Variants in COL8A2 observed in about 807,000 individuals in gnomAD.
COL8A2 encodes collagen alpha-2(VIII) chain.
A neutral mutation model predicts 24.0 loss-of-function variants in COL8A2; 16 were observed. The ratio of observed to expected loss-of-function variants is 0.67; its 90% confidence interval spans 0.45 to 1.01. COL8A2 has a LOEUF of 1.01. Among genes scored for constraint, COL8A2 ranks in the 50% least tolerant of loss-of-function variants. The pLI, the probability that COL8A2 is intolerant of heterozygous loss-of-function variation, is 0.00. For synonymous variants in COL8A2, 466 were observed against 424.5 expected (o/e 1.10, Z -1.20); for missense variants, 818 against 942.4 (o/e 0.87, Z 1.73).
At chr1:36,121,271 C>T (rs543019960) in intron 1 of COL8A2, among the ~76,000 whole-genome samples, 2 of 150,598 alleles carry the variant, frequency 1.3e-5, no homozygotes, top group South Asian at 2.1e-4. Flanking sequence ...CACCTGTAGT[C>T]CCAGCTACTC....
At chr1:36,117,574 G>A (rs1643885965) in intron 1 of COL8A2, among the ~76,000 whole-genome samples, 2 of 152,220 alleles carry the variant, frequency 1.3e-5, no homozygotes, top group African/African-American at 4.8e-5. Context: ...TGTACCCACT[G>A]TGTGCCAGGT....
Position 36,099,399 on chromosome 1 carries a change from AG to A in COL8A2, c.281del (p.Pro94LeufsTer143), listed in dbSNP as rs1277273445. 4 of 1,552,784 alleles carry A rather than the reference AG, an allele frequency of 2.6e-6. No homozygotes were observed. Among genetic ancestry groups the A allele is most frequent in the African/African-American group, 1.4e-5 (1 of 73,216 alleles). ...CCATGCCTGGTTTTCCTGGGAAGCCAGGGGGGCCAGGGGGACCCCGAGGCCC... is the reference window on the plus strand; with the variant it reads ...CCATGCCTGGTTTTCCTGGGAAGCCAGGGGGCCAGGGGGACCCCGAGGCCC... The part of the protein sequence containing the change: ...KPGPRGPPGP[P>X]GFPGKPGMGK... On this transcript the variant is annotated frameshift_variant, in exon 4 of 4. Coordinates refer to ENST00000397799, the MANE Select transcript of COL8A2 (RefSeq NM_005202.4). LOFTEE classifies it low-confidence loss of function (END_TRUNC).
chr1:36,102,038 G>T (rs188733460), intron 2 of COL8A2, among the ~76,000 whole-genome samples: 2 of 152,156 alleles, frequency 1.3e-5, no homozygotes, highest in Admixed American at 6.5e-5. Flanking sequence ...CAAAAAATTA[G>T]CTGGGTGTGG....
chr1:36,109,311 T>C (rs274764), intron 2 of COL8A2, among the ~76,000 whole-genome samples: 136,711 of 152,210 alleles, frequency 0.9, 61,538 homozygotes, highest in East Asian at 1. Flanking sequence ...GGGTCTCTAC[T>C]CCTGACTCCT....
chr1:36,103,144 A>G (rs940215239), intron 2 of COL8A2, among the ~76,000 whole-genome samples: 1 of 151,732 alleles, frequency 6.6e-6, no homozygotes, highest in Non-Finnish European at 1.5e-5. Context: ...CACCATGCCT[A>G]TGTAAAGACA....
chr1:36,097,885 T>G lies in COL8A2; in HGVS notation c.1796A>C (p.Tyr599Ser). The G allele has an allele frequency of 1.2e-6, 2 of 1,612,586 alleles. No individual in the cohort carries two copies. Among genetic ancestry groups the G allele is most frequent in the Non-Finnish European group, 1.7e-6 (2 of 1,179,982 alleles). The change falls in exon 4 of 4, where the codon TAC becomes TCC. Residue 599 changes from tyrosine to serine, a missense_variant. Coordinates refer to ENST00000397799, the MANE Select transcript of COL8A2 (RefSeq NM_005202.4). ...GMPVKFDRTLYNGHSGYNPAT... is the reference protein window; with the variant it reads ...GMPVKFDRTLSNGHSGYNPAT... ...TGGGTTGTAGCCGCTGTGGCCATTG[T>G]AGAGAGTCCGGTCAAATTTCACGGG...
Position 36,098,122 on chromosome 1 carries a change from G to A in COL8A2, c.1559C>T (p.Pro520Leu). The change falls in exon 4 of 4, where the codon CCT (proline) becomes CTT (leucine). Residue 520 changes from proline (P) to leucine (L), a missense_variant. By Grantham distance (98) the Pro-to-Leu change is moderately conservative. Transcript: ENST00000397799. ...TCCCGGGGGCCCGGGAGGCCCCGGA[G>A]GGCCCGTGATTCCAGGGGAGCCAGG... The part of the protein sequence containing the change: ...GVPGSPGITG[P>L]PGPPGPPGPP... 6.7e-7 allele frequency: 1 copy of A among 1,496,306 alleles called. No individual in the cohort carries two copies. Among genetic ancestry groups the A allele is most frequent in the African/African-American group, 1.4e-5 (1 of 71,324 alleles). 92.7% of individuals were successfully genotyped at this position (1,496,306 alleles called of 1,614,324 possible).
At chr1:36,109,139 G>A (rs975667489) in intron 2 of COL8A2, among the ~76,000 whole-genome samples, 3 of 152,248 alleles carry the variant, frequency 2.0e-5, no homozygotes, top group Non-Finnish European at 4.4e-5. Flanking sequence ...TGAGGGAGCG[G>A]TGGGGGCACT....
At chr1:36,099,900 C>G in intron 3 of COL8A2, 150 bp downstream of exon 3, 1 of 744,336 alleles carries the variant, frequency 1.3e-6, no homozygotes, top group Non-Finnish European at 2.3e-6. Context: ...TCCAGGCCCT[C>G]TGGGGTATTA....
At chr1:36,122,758 T>C (rs1402610821) in intron 1 of COL8A2, among the ~76,000 whole-genome samples, 2 of 152,140 alleles carry the variant, frequency 1.3e-5, no homozygotes, top group Admixed American at 6.5e-5. Context: ...CCTTCATCCT[T>C]GTTCCCCAGA....
chr1:36,101,844 A>C (rs1335616723), intron 2 of COL8A2, among the ~76,000 whole-genome samples: 1 of 151,044 alleles, frequency 6.6e-6, no homozygotes, highest in Non-Finnish European at 1.5e-5. Flanking sequence ...TGAGTTTAAA[A>C]CCAGCCTGGG....
chr1:36,119,241 C>T (rs950089142), intron 1 of COL8A2, among the ~76,000 whole-genome samples: 3 of 152,174 alleles, frequency 2.0e-5, no homozygotes, highest in South Asian at 2.1e-4. Flanking sequence ...TTTTGTGTAA[C>T]GGACTCAGAG....
At chr1:36,113,068 T>G (rs563462001) in intron 2 of COL8A2, among the ~76,000 whole-genome samples, 1 of 152,116 alleles carries the variant, frequency 6.6e-6, no homozygotes, top group Admixed American at 6.5e-5. Context: ...GAGAGATGGA[T>G]GTTGAGCCCA....
chr1:36,100,844 G>A (rs1244814733), intron 2 of COL8A2, among the ~76,000 whole-genome samples: 1 of 144,208 alleles, frequency 6.9e-6, no homozygotes, highest in Admixed American at 7.2e-5. Context: ...CCTGCCACTC[G>A]CCTTTGGGAT....
intron 2 of COL8A2, among the ~76,000 whole-genome samples, chr1:36,107,461 G>C (rs1643778115): frequency 6.6e-6 from 1 of 152,024 alleles, no homozygotes; most frequent in African/African-American, 2.4e-5. Flanking sequence ...CATGGAGGGA[G>C]AGTAAGGCAG....
At chr1:36,118,812 C>T (rs967553872) in intron 1 of COL8A2, among the ~76,000 whole-genome samples, 5 of 152,182 alleles carry the variant, frequency 3.3e-5, no homozygotes, top group Admixed American at 1.3e-4. Context: ...TTGGCTCCTG[C>T]CAGAGATGGG....
chr1:36,105,518 G>C (rs1180103342), intron 2 of COL8A2, among the ~76,000 whole-genome samples: 1 of 152,242 alleles, frequency 6.6e-6, no homozygotes, highest in Non-Finnish European at 1.5e-5. Flanking sequence ...CTGATTGATG[G>C]CAGAACCCAT....
chr1:36,105,810 T>A (rs912497), intron 2 of COL8A2, among the ~76,000 whole-genome samples: 134,742 of 151,882 alleles, frequency 0.89, 59,887 homozygotes, highest in Middle Eastern at 0.93. Context: ...TTAGCCAGAC[T>A]TGGTGGCGCG....
In COL8A2 at chr1:36,095,700, G is replaced by A. The variant is rs939691022; in HGVS notation, c.*1869C>T. The A allele has an allele frequency of 6.6e-6, 1 of 152,098 alleles. No homozygotes were observed. The highest frequency in any genetic ancestry group is 2.4e-5 in the African/African-American group (1 of 41,408). 9.4% of individuals were successfully genotyped at this position (152,098 alleles called of 1,614,324 possible). A position where few individuals can be genotyped will look rare whatever the true frequency, so the allele number is the denominator to read the frequency against. ...ACTTAGTTCCGTGGGCTCCCATTGG[G>A]AGCTGATTAATTTCTGCCAATCAGA... On this transcript the variant is annotated 3_prime_UTR_variant, in exon 4 of 4. Coordinates refer to ENST00000397799, the MANE Select transcript of COL8A2 (RefSeq NM_005202.4).
Sources: allele counts gnomAD v4.1 joint callset (sites outside exome capture counted in the v4.1 genomes callset), GRCh38; gene constraint gnomAD v4.1.1; transcripts MANE v1.5; gene names NCBI Gene and HGNC (gene_info 2026-07-23, HGNC 2026-07-21).